GRID2: variants seen among roughly 807,000 people sequenced by gnomAD.
The protein encoded by GRID2 is glutamate ionotropic receptor delta type subunit 2, also known as glutamate receptor ionotropic, delta-2.
GRID2 carries 33 observed loss-of-function variants against 114.8 expected under a neutral mutation model. The ratio of observed to expected loss-of-function variants is 0.29; its 90% CI spans 0.22 to 0.38. The LOEUF is 0.38. GRID2 is among the 10% of genes least tolerant of loss of function. The probability of loss-of-function intolerance (pLI) is 1.00; values close to 1 mark genes in which losing one functional copy is unlikely to be tolerated. For missense variants in GRID2, 1,184 were observed against 1,257.7 expected, an observed-to-expected ratio of 0.94 and a Z score of 0.89; for synonymous variants, 505 against 449.9, an observed-to-expected ratio of 1.12 and a Z score of -1.55.
intron 2 of GRID2, among the ~76,000 whole-genome samples, chr4:92,677,703 A>G (rs1733446013): frequency 6.6e-6 from 1 of 152,136 alleles, no homozygotes; most frequent in Admixed American, 6.6e-5. Flanking sequence ...ATCCAGTCGT[A>G]CAAGAAAATT....
intron 2 of GRID2, among the ~76,000 whole-genome samples, chr4:92,675,842 C>T (rs1733328310): frequency 6.6e-6 from 1 of 152,062 alleles, no homozygotes; most frequent in Admixed American, 6.5e-5. Context: ...GCGTGAGCTA[C>T]CACGCCTGGC....
At chr4:92,555,234 C>A (rs1726793991) in intron 1 of GRID2, among the ~76,000 whole-genome samples, 1 of 152,154 alleles carries the variant, frequency 6.6e-6, no homozygotes, top group Admixed American at 6.5e-5. Flanking sequence ...CATATTAACC[C>A]ATGAGAGTTA....
intron 1 of GRID2, among the ~76,000 whole-genome samples, chr4:92,574,400 T>C (rs1371658739): frequency 6.7e-6 from 1 of 148,274 alleles, no homozygotes; most frequent in Non-Finnish European, 1.5e-5. Flanking sequence ...GTGTTACTGG[T>C]CTGTACTTTA....
At position 93,224,718 on chromosome 4, in the gene GRID2, C is replaced by T. The variant is rs1356674090; in HGVS notation, c.1068C>T (p.Ile356=). Residue 356 remains isoleucine, a synonymous_variant, in exon 7 of 16, where the codon ATC becomes ATT. Transcript: ENST00000282020. ...ACAGCATGGCAAGTCTGTCATGTATCAGAAAGAACTCAAAGCCCTGGCAGG... is the reference window on the plus strand; with the variant it reads ...ACAGCATGGCAAGTCTGTCATGTATTAGAAAGAACTCAAAGCCCTGGCAGG... ...KWHSMASLSC[I]RKNSKPWQGG... 2 of 1,612,652 alleles carry T rather than the reference C, an allele frequency of 1.2e-6. No individual in the cohort carries two copies. Among genetic ancestry groups the T allele is most frequent in the Non-Finnish European group, 1.7e-6 (2 of 1,179,028 alleles).
chr4:92,675,678 G>A (rs980470931), intron 2 of GRID2, among the ~76,000 whole-genome samples: 3 of 151,752 alleles, frequency 2.0e-5, no homozygotes, highest in South Asian at 2.1e-4. Flanking sequence ...AGCCTCCCAA[G>A]TAGCTGGGAC....
intron 2 of GRID2, among the ~76,000 whole-genome samples, chr4:93,083,568 G>A (rs964011511): frequency 1.3e-5 from 2 of 151,362 alleles, no homozygotes; most frequent in African/African-American, 4.9e-5. Flanking sequence ...TGGTGGCACA[G>A]GCCTGTAATC....
At chr4:92,887,774 G>A (rs1163288851) in intron 2 of GRID2, among the ~76,000 whole-genome samples, 8 of 152,154 alleles carry the variant, frequency 5.3e-5, no homozygotes, top group Non-Finnish European at 1.2e-4. Flanking sequence ...AGTGCCTCCT[G>A]TTTTCTTTAC....
At chr4:92,803,508 A>T (rs543238409) in intron 2 of GRID2, among the ~76,000 whole-genome samples, 2 of 152,148 alleles carry the variant, frequency 1.3e-5, no homozygotes, top group African/African-American at 4.8e-5. Flanking sequence ...AATAATAGGT[A>T]GCCCATATGT....
chr4:93,387,809 A>C (rs1043907065), intron 8 of GRID2, among the ~76,000 whole-genome samples: 1 of 150,526 alleles, frequency 6.6e-6, no homozygotes, highest in Non-Finnish European at 1.5e-5. Flanking sequence ...CAGTCTGGGC[A>C]ACAGAGCAAG....
intron 1 of GRID2, among the ~76,000 whole-genome samples, chr4:93,791,784 A>G (rs906058619): frequency 6.6e-6 from 1 of 152,102 alleles, no homozygotes; most frequent in African/African-American, 2.4e-5. Context: ...GTAGAGCCAG[A>G]TGGTGGCGCT....
intron 2 of GRID2, among the ~76,000 whole-genome samples, chr4:92,782,714 T>C (rs1467311762): frequency 6.6e-6 from 1 of 151,698 alleles, no homozygotes; most frequent in Non-Finnish European, 1.5e-5. Context: ...GAGAGAAGAG[T>C]GTGCGTAATA....
intron 1 of GRID2, among the ~76,000 whole-genome samples, chr4:92,458,328 G>A (rs527327345): frequency 3.9e-5 from 6 of 152,210 alleles, no homozygotes; most frequent in South Asian, 4.1e-4. Flanking sequence ...TGACCTTGGC[G>A]ATTTCATATA....
At chr4:93,376,061 G>A (rs1255353985) in intron 8 of GRID2, among the ~76,000 whole-genome samples, 1 of 152,062 alleles carries the variant, frequency 6.6e-6, no homozygotes, top group Middle Eastern at 3.2e-3. Flanking sequence ...TCCTCTTCCT[G>A]TAACTACAAC....
intron 14 of GRID2, among the ~76,000 whole-genome samples, chr4:93,761,652 T>C (rs976485914): frequency 6.6e-6 from 1 of 152,182 alleles, no homozygotes; most frequent in African/African-American, 2.4e-5. Flanking sequence ...TAGAAACTCT[T>C]GGTGGATTGA....
At chr4:92,698,860 C>T (rs533083054) in intron 2 of GRID2, among the ~76,000 whole-genome samples, 102 of 152,094 alleles carry the variant, frequency 6.7e-4, no homozygotes, top group African/African-American at 2.3e-3. Context: ...ATTGTCCCGA[C>T]GCAAAATTGC....
chr4:92,778,590 G>A (rs1738917354), intron 2 of GRID2, among the ~76,000 whole-genome samples: 5 of 152,032 alleles, frequency 3.3e-5, no homozygotes, highest in Admixed American at 2.0e-4. Flanking sequence ...TATACTAAAC[G>A]GTATATATCT....
intron 4 of GRID2, among the ~76,000 whole-genome samples, chr4:93,183,869 G>A (rs910643863): frequency 6.6e-6 from 1 of 152,150 alleles, no homozygotes; most frequent in Non-Finnish European, 1.5e-5. Context: ...TAAGAAACAA[G>A]GGAGGTAAAA....
At chr4:93,104,830 G>T (rs957058250) in intron 3 of GRID2, among the ~76,000 whole-genome samples, 35 of 152,160 alleles carry the variant, frequency 2.3e-4, no homozygotes, top group African/African-American at 7.5e-4. Context: ...CCCAGTAATG[G>T]GATGGCTGGG....
intron 13 of GRID2, among the ~76,000 whole-genome samples, chr4:93,570,494 T>C (rs1735840851): frequency 6.6e-6 from 1 of 152,196 alleles, no homozygotes. Flanking sequence ...AAATAACTAC[T>C]CTAGAGGATA....
Sources: gnomAD v4.1 joint callset for allele counts (sites outside exome capture counted in the v4.1 genomes callset) on GRCh38, gnomAD v4.1.1 for gene constraint, MANE v1.5 for transcripts, NCBI Gene and HGNC (gene_info 2026-07-23, HGNC 2026-07-21) for gene names.